Variants in GSDMC observed in about 807,000 individuals in gnomAD.
The protein encoded by GSDMC is gasdermin-C.
Under a neutral mutation model 58.0 loss-of-function variants are expected in GSDMC, and 59 were observed. The ratio of observed to expected loss-of-function variants is 1.02; its 90% CI spans 0.82 to 1.26. The LOEUF (loss-of-function observed/expected upper bound fraction) is 1.26, where lower values mean the gene tolerates loss of function less well. Among genes scored for constraint, GSDMC ranks in the 50% most tolerant of loss-of-function variants. The pLI is 0.00. For synonymous variants in GSDMC, 241 were observed against 220.2 expected (o/e 1.09, Z -0.83); for missense variants, 659 against 598.5 (o/e 1.10, Z -1.06).
chr8:129,774,537 A>AG (rs1367670818), intron 3 of GSDMC, among the ~76,000 whole-genome samples: 2 of 151,796 alleles, frequency 1.3e-5, no homozygotes, highest in African/African-American at 2.4e-5. Context: ...GCAAAAAAAA[A>AG]AAAAGAAAAG....
rs766757505 is a variant in GSDMC, at chr8:129,750,534, A to G, written c.980T>C (p.Ile327Thr). The part of the protein sequence containing the change: ...KHLQEEVFQK[I>T]KTLAQLSKDV... The stretch of plus-strand genomic sequence containing the variant: ...CTTTGAGAGCTGAGCCAGTGTCTTT[A>G]TTTTCTGGAAAACCTCCTCTTGTAG... Residue 327 changes from isoleucine (I) to threonine (T), a missense_variant, in exon 11 of 14, where the codon ATA becomes ACA. Ile to Thr is a moderately conservative substitution (Grantham distance 89). Transcript: ENST00000276708. 2 of 1,613,956 alleles carry G rather than the reference A, an allele frequency of 1.2e-6. No homozygotes were observed. Among genetic ancestry groups the G allele is most frequent in the Admixed American group, 1.7e-5 (1 of 60,002 alleles).
chr8:129,728,752 T>C, the GSDMC span: 1 of 489,282 alleles, frequency 2.0e-6, no homozygotes, highest in South Asian at 2.1e-5. Context: ...CACAGTGCGA[T>C]ATAAAACTTG....
In GSDMC at chr8:129,751,525, C is replaced by G. The variant is rs1484608908; in HGVS notation, c.943+17G>C. On this transcript the variant is annotated intron_variant, in intron 10 of 13. Coordinates refer to ENST00000276708, the MANE Select transcript of GSDMC (RefSeq NM_031415.3). Reference sequence around the variant, plus strand: ...TCCCACCCAGAAGCCCCAGGTTCCCCCTTAATAAATACTTACTTTGCCAGA... The same window carrying G: ...TCCCACCCAGAAGCCCCAGGTTCCCGCTTAATAAATACTTACTTTGCCAGA... 13 of 1,608,348 alleles carry G rather than the reference C, an allele frequency of 8.1e-6. No individual in the cohort carries two copies. In the South Asian group the frequency reaches 1.4e-4, roughly 18 times the overall value.
At chr8:129,779,650 A>G (rs528490672) in intron 1 of GSDMC, among the ~76,000 whole-genome samples, 2 of 151,890 alleles carry the variant, frequency 1.3e-5, no homozygotes, top group South Asian at 4.1e-4. Flanking sequence ...AATTAAAAAA[A>G]AGAAAGAAAA....
intron 3 of GSDMC, among the ~76,000 whole-genome samples, chr8:129,773,204 A>G (rs905560277): frequency 2.1e-4 from 32 of 152,216 alleles, no homozygotes; most frequent in African/African-American, 7.2e-4. Context: ...TTCCTTTAAA[A>G]TAAGGAACAA....
Position 129,763,910 on chromosome 8 carries a change from C to A in GSDMC, c.571-1179G>T, listed in dbSNP as rs192841491. Among the ~76,000 whole-genome samples the A allele has an allele frequency of 4.0e-4, 61 of 152,150 alleles. 1 individual carries two copies. Among genetic ancestry groups the A allele is most frequent in the African/African-American group, 1.3e-3 (56 of 41,514 alleles). Reference sequence around the variant, plus strand: ...ATTTTTTTAATGAATATTCTCCTGTCTTTTTGCTTACTTTTTCCTGGAAAT... The same window carrying A: ...ATTTTTTTAATGAATATTCTCCTGTATTTTTGCTTACTTTTTCCTGGAAAT... On this transcript the variant is annotated intron_variant, in intron 4 of 13. Coordinates refer to ENST00000276708, the MANE Select transcript of GSDMC (RefSeq NM_031415.3).
chr8:129,738,161 G>A, the GSDMC span, among the ~76,000 whole-genome samples: 1 of 152,266 alleles, frequency 6.6e-6, no homozygotes, highest in East Asian at 1.9e-4. Context: ...AAAAAGTCAG[G>A]AAACAATAGA....
At chr8:129,747,313 T>A (rs1384388852), downstream of GSDMC, among the ~76,000 whole-genome samples, 1 of 151,872 alleles carries the variant, frequency 6.6e-6, no homozygotes, top group Non-Finnish European at 1.5e-5. Context: ...AGGGATACGG[T>A]TACACTCCTT....
At chr8:129,774,537 A>G (rs907236977) in intron 3 of GSDMC, among the ~76,000 whole-genome samples, 14 of 151,796 alleles carry the variant, frequency 9.2e-5, no homozygotes, top group African/African-American at 2.4e-4. Flanking sequence ...GCAAAAAAAA[A>G]AAAAGAAAAG....
In GSDMC at chr8:129,762,625, C is replaced by T; in HGVS notation, c.676+1G>A. On this transcript the variant is annotated splice_donor_variant, in intron 5 of 13. Transcript: ENST00000276708. LOFTEE classifies it high-confidence loss of function. ...GCCTTGCTGAGCTCCGCTGCTCCCA[C>T]CTTTCTCCTTGATAACCAGCTGCTT... The T allele has an allele frequency of 6.3e-7, 1 of 1,596,860 alleles. No homozygotes were observed. The highest frequency in any genetic ancestry group is 1.1e-5 in the South Asian group (1 of 90,794).
intron 11 of GSDMC, 147 bp from the exon 12 acceptor site, chr8:129,750,266 G>T: frequency 3.0e-6 from 3 of 1,009,604 alleles, no homozygotes; most frequent in East Asian, 2.6e-5. Context: ...AGTAGTGGGG[G>T]CGACACTTCC....
At chr8:129,784,804 T>G (rs1364269605) in intron 1 of GSDMC, among the ~76,000 whole-genome samples, 5 of 152,232 alleles carry the variant, frequency 3.3e-5, no homozygotes, top group Non-Finnish European at 7.3e-5. Flanking sequence ...CCATGTTTGT[T>G]GCAGCACTGT....
chr8:129,724,701 C>G, the GSDMC span, among the ~76,000 whole-genome samples: 1 of 151,450 alleles, frequency 6.6e-6, no homozygotes, highest in Non-Finnish European at 1.5e-5. Flanking sequence ...TACTTTTTAG[C>G]GAAAAAGCGT....
chr8:129,729,021 T>C, the GSDMC span: 1 of 652,200 alleles, frequency 1.5e-6, no homozygotes, highest in East Asian at 3.0e-5. Context: ...GGATGAAAAT[T>C]TAAGGAAATG....
chr8:129,721,126 T>A, the GSDMC span, among the ~76,000 whole-genome samples: 2 of 152,188 alleles, frequency 1.3e-5, no homozygotes, highest in African/African-American at 4.8e-5. Context: ...GGTCTTCCAA[T>A]GGCCCATTTT....
the GSDMC span, among the ~76,000 whole-genome samples, chr8:129,734,636 T>G: frequency 6.6e-6 from 1 of 152,210 alleles, no homozygotes; most frequent in African/African-American, 2.4e-5. Context: ...TGAGAGATTT[T>G]GTCATCACCA....
At chr8:129,764,739 C>T (rs1242774900) in intron 4 of GSDMC, among the ~76,000 whole-genome samples, 1 of 152,154 alleles carries the variant, frequency 6.6e-6, no homozygotes, top group African/African-American at 2.4e-5. Flanking sequence ...TATACATCTA[C>T]CATATTCCCA....
intron 3 of GSDMC, among the ~76,000 whole-genome samples, chr8:129,768,758 G>C (rs1251750602): frequency 6.6e-6 from 1 of 152,162 alleles, no homozygotes; most frequent in Non-Finnish European, 1.5e-5. Flanking sequence ...ACATAAGAGA[G>C]TGAGAAAGAG....
At chr8:129,757,227 T>A (rs991382476) in intron 6 of GSDMC, among the ~76,000 whole-genome samples, 6 of 151,688 alleles carry the variant, frequency 4.0e-5, no homozygotes, top group African/African-American at 1.5e-4. Context: ...ACATTACAAC[T>A]GATACAGCAG....
Sources: allele counts gnomAD v4.1 joint callset (sites outside exome capture counted in the v4.1 genomes callset), GRCh38; gene constraint gnomAD v4.1.1; transcripts MANE v1.5; gene names NCBI Gene and HGNC (gene_info 2026-07-23, HGNC 2026-07-21).